Variants in ZNF438 observed in about 807,000 individuals in gnomAD.
ZNF438 encodes zinc finger protein 438.
ZNF438 carries 25 observed loss-of-function variants against 38.0 expected under a neutral mutation model. That is an observed-to-expected ratio of 0.66 (90% CI 0.48 to 0.92). The LOEUF (loss-of-function observed/expected upper bound fraction) is 0.92. Ranked by LOEUF, ZNF438 falls within the 40% of genes least tolerant of loss-of-function variation. The probability of loss-of-function intolerance (pLI) is 0.00; values close to 1 mark genes in which losing one functional copy is unlikely to be tolerated. For missense variants in ZNF438, 1,007 were observed against 999.6 expected (o/e 1.01, Z -0.10); for synonymous variants, 372 against 364.1 (o/e 1.02, Z -0.25).
chr10:30,879,770 G>A (rs2133753643), intron 3 of ZNF438, among the ~76,000 whole-genome samples: 1 of 152,216 alleles, frequency 6.6e-6, no homozygotes, highest in African/African-American at 2.4e-5. Flanking sequence ...ACACAGAATG[G>A]AGAAGACAGT....
intron 1 of ZNF438, among the ~76,000 whole-genome samples, chr10:30,963,936 T>C (rs2049829220): frequency 6.6e-6 from 1 of 152,168 alleles, no homozygotes; most frequent in South Asian, 2.1e-4. Flanking sequence ...ACTGTAGTCA[T>C]GAACAATAAC....
chr10:30,950,960 G>T (rs1589379114), intron 1 of ZNF438, among the ~76,000 whole-genome samples: 2 of 139,238 alleles, frequency 1.4e-5, no homozygotes, highest in African/African-American at 5.4e-5. Context: ...GAGAATTTTA[G>T]ACCAATATCC....
At chr10:30,887,321 C>T (rs2040078261) in intron 3 of ZNF438, among the ~76,000 whole-genome samples, 1 of 152,190 alleles carries the variant, frequency 6.6e-6, no homozygotes. Context: ...AGGTGCTTCT[C>T]CCTGTGGCTT....
intron 1 of ZNF438, among the ~76,000 whole-genome samples, chr10:30,990,858 A>C (rs1264072891): frequency 9.3e-5 from 14 of 149,778 alleles, no homozygotes; most frequent in Non-Finnish European, 1.5e-5. Flanking sequence ...GATTGAAGAT[A>C]TATCTTTTTT....
At position 30,958,225 on chromosome 10, in the gene ZNF438, G is replaced by C. The variant is rs1222049677; in HGVS notation, c.-191-16574C>G. On this transcript the variant is annotated intron_variant, in intron 1 of 5. Transcript: ENST00000413025. Reference sequence around the variant, plus strand: ...TTAGGCTACCAGACTGTATAGAAAGGGGGCTCAAGAAACAGGTCTTCAGAA... The same window carrying C: ...TTAGGCTACCAGACTGTATAGAAAGCGGGCTCAAGAAACAGGTCTTCAGAA... Among the ~76,000 whole-genome samples, 3 of 146,650 alleles carry C rather than the reference G, an allele frequency of 2.0e-5. 1 individual carries two copies. Among genetic ancestry groups the C allele is most frequent in the South Asian group, 4.4e-4 (2 of 4,564 alleles).
rs373337068 is a variant in ZNF438, at chr10:30,852,368, C to T, written c.38-2001G>A. ...GGATTACAGGCATGTGCCACCACAC[C>T]CAGCTAATTTTGTATTTTTAGTAGA... On this transcript the variant is annotated intron_variant, in intron 4 of 5. Transcript: ENST00000413025. Among the ~76,000 whole-genome samples the T allele has an allele frequency of 2.6e-5, 4 of 152,048 alleles. No homozygotes were observed. In the East Asian group the frequency reaches 7.8e-4, roughly 30 times the overall value.
chr10:30,865,832 C>T (rs558199302), intron 4 of ZNF438, among the ~76,000 whole-genome samples: 3 of 152,300 alleles, frequency 2.0e-5, no homozygotes, highest in East Asian at 1.9e-4. Flanking sequence ...AATAATCCTT[C>T]GGCCTTCCTG....
intron 2 of ZNF438, among the ~76,000 whole-genome samples, chr10:30,930,466 G>C (rs1248302225): frequency 6.6e-6 from 1 of 152,084 alleles, no homozygotes; most frequent in Non-Finnish European, 1.5e-5. Flanking sequence ...TCTGGCCTCA[G>C]CCAGCCCAGA....
At chr10:30,873,912 T>C (rs535665930) in intron 4 of ZNF438, among the ~76,000 whole-genome samples, 26 of 152,150 alleles carry the variant, frequency 1.7e-4, no homozygotes, top group African/African-American at 6.3e-4. Flanking sequence ...ATATAATACG[T>C]GTGTATGTGT....
At position 30,908,941 on chromosome 10, in the gene ZNF438, G is replaced by A. The variant is rs2042829068; in HGVS notation, c.-40C>T. 1 of 152,090 alleles carries A rather than the reference G, an allele frequency of 6.6e-6. No homozygotes were observed. The highest frequency in any genetic ancestry group is 6.5e-5 in the Admixed American group (1 of 15,276). The allele number at this position is 152,090 out of a possible 1,614,324, so 9.4% of individuals were successfully genotyped here. A position where few individuals can be genotyped will look rare whatever the true frequency, so the allele number is the denominator to read the frequency against. On this transcript the variant is annotated 5_prime_UTR_variant, in exon 3 of 6. The change creates a premature stop within an existing upstream ORF in the 5' untranslated region. Transcript: ENST00000413025. ...ATTATTTAACAAAATACCTTTTACT[G>A]TTCTTGCATGAAGTTTGTGGTTAAT...
chr10:30,877,060 T>A, exon 4 of ZNF438: 1 of 1,589,360 alleles, frequency 6.3e-7, no homozygotes, highest in South Asian at 1.2e-5. Context: ...TTGAATAGTA[T>A]CTTTCCTAAA....
intron 1 of ZNF438, among the ~76,000 whole-genome samples, chr10:30,972,070 C>T (rs557645938): frequency 7.2e-5 from 11 of 151,934 alleles, no homozygotes; most frequent in South Asian, 2.1e-4. Flanking sequence ...CCCAGGTTCA[C>T]GCCATTGTCC....
At chr10:30,950,039 AC>A (rs2047976065) in intron 1 of ZNF438, among the ~76,000 whole-genome samples, 1 of 151,974 alleles carries the variant, frequency 6.6e-6, no homozygotes, top group Non-Finnish European at 1.5e-5. Context: ...AGAAATTATA[AC>A]AAACTATCTC....
chr10:30,900,966 A>T (rs1039518011), intron 3 of ZNF438, among the ~76,000 whole-genome samples: 5 of 152,216 alleles, frequency 3.3e-5, no homozygotes, highest in African/African-American at 1.2e-4. Context: ...ATACCCCAGG[A>T]GAAAAATGCA....
chr10:31,001,720 GATC>G (rs1285819017), intron 1 of ZNF438, among the ~76,000 whole-genome samples: 2 of 152,138 alleles, frequency 1.3e-5, no homozygotes, highest in Non-Finnish European at 2.9e-5. Context: ...GCACTTTAGT[GATC>G]ATGTTATTCC....
rs78543373 is a variant in ZNF438 at position 30,854,652 on chromosome 10, T to G, written c.38-4285A>C. Among the ~76,000 whole-genome samples, 1,214 of 152,256 alleles carry G rather than the reference T, an allele frequency of 8.0e-3. 30 individuals carry two copies. The highest frequency in any genetic ancestry group is 0.027 in the African/African-American group (1,119 of 41,544). ...AATGTAATTTTATTTATTGCCAGAA[T>G]AAGGAGCTAATAATCAACTACCTAC... On this transcript the variant is annotated intron_variant, in intron 4 of 5. Transcript: ENST00000413025.
chr10:30,950,424 C>T (rs1285019108), intron 1 of ZNF438, among the ~76,000 whole-genome samples: 1 of 146,374 alleles, frequency 6.8e-6, no homozygotes, highest in African/African-American at 2.5e-5. Context: ...GAAATAGAGA[C>T]ACAAAAAACC....
chr10:30,911,033 T>C (rs1413314763), intron 2 of ZNF438, among the ~76,000 whole-genome samples: 1 of 152,118 alleles, frequency 6.6e-6, no homozygotes, highest in Non-Finnish European at 1.5e-5. Flanking sequence ...TGATTCACAC[T>C]TCTCAGTTAC....
At chr10:31,011,605 A>G (rs913151010) in intron 1 of ZNF438, among the ~76,000 whole-genome samples, 5 of 152,284 alleles carry the variant, frequency 3.3e-5, no homozygotes, top group African/African-American at 1.2e-4. Context: ...CATCCACAGA[A>G]AAGAACGTCT....
Sources: allele counts gnomAD v4.1 joint callset (sites outside exome capture counted in the v4.1 genomes callset), GRCh38; gene constraint gnomAD v4.1.1; transcripts MANE v1.5; gene names NCBI Gene and HGNC (gene_info 2026-07-23, HGNC 2026-07-21).